LDB2: variants seen among roughly 807,000 people sequenced by gnomAD.
LDB2 encodes the protein LIM domain binding 2.
A neutral mutation model predicts 44.3 loss-of-function variants in LDB2; 12 were observed. That is an observed-to-expected ratio of 0.27 (90% CI 0.17 to 0.44). The LOEUF (loss-of-function observed/expected upper bound fraction) is 0.44, where lower values mean the gene tolerates loss of function less well. Ranked by LOEUF, LDB2 falls within the 20% of genes least tolerant of loss-of-function variation. The pLI, the probability that LDB2 is intolerant of heterozygous loss-of-function variation, is 1.00. For synonymous variants in LDB2, 164 were observed against 174.8 expected (o/e 0.94, Z 0.49); for missense variants, 344 against 473.5 (o/e 0.73, Z 2.54).
Position 16,652,569 on chromosome 4 carries a change from A to C in LDB2, c.236-56694T>G, listed in dbSNP as rs530071529. 3.3e-5 allele frequency among the ~76,000 whole-genome samples: 5 copies of C among 152,306 alleles called. No homozygotes were observed. In the East Asian group the frequency reaches 9.7e-4, roughly 29 times the overall value. On this transcript the variant is annotated intron_variant, in intron 2 of 7. Transcript: ENST00000304523. ...TGGGGTAAAGGCGGGGCTGTCCTGC[A>C]CAGAAACAGCTCTGGAAGGAGATGC...
chr4:16,524,948 C>T (rs968125399), intron 5 of LDB2, among the ~76,000 whole-genome samples: 11 of 152,106 alleles, frequency 7.2e-5, no homozygotes, highest in East Asian at 1.9e-4. Flanking sequence ...TAGGTACTTA[C>T]GGTAAGGTAA....
chr4:16,640,414 T>C (rs1466691771), intron 2 of LDB2, among the ~76,000 whole-genome samples: 1 of 152,142 alleles, frequency 6.6e-6, no homozygotes, highest in African/African-American at 2.4e-5. Flanking sequence ...GCTGGGCTAT[T>C]AGAGAGGCTT....
intron 2 of LDB2, among the ~76,000 whole-genome samples, chr4:16,706,420 C>A (rs1754624886): frequency 6.6e-6 from 1 of 152,182 alleles, no homozygotes; most frequent in Admixed American, 6.5e-5. Context: ...AGGAAGAGAG[C>A]CCTCCTCGGA....
chr4:16,809,752 C>T lies in LDB2; in HGVS notation c.133-50492G>A, dbSNP rs182966806. ...ACAAAACAAACAAACAAAAAAAAAA[C>T]GGAACTACATGGGACTCGCTGATAA... On this transcript the variant is annotated intron_variant, in intron 1 of 7. Coordinates refer to ENST00000304523, the MANE Select transcript of LDB2 (RefSeq NM_001290.5). 3.0e-4 allele frequency among the ~76,000 whole-genome samples: 44 copies of T among 146,494 alleles called. 1 individual carries two copies. Among genetic ancestry groups the T allele is most frequent in the African/African-American group, 7.4e-4 (29 of 39,178 alleles).
chr4:16,512,339 GACACACACAA>G (rs1170763913), intron 5 of LDB2, among the ~76,000 whole-genome samples: 8 of 151,176 alleles, frequency 5.3e-5, no homozygotes, highest in African/African-American at 1.5e-4. Context: ...TACACACACA[GACACACACAA>G]ACACACACAT....
intron 2 of LDB2, among the ~76,000 whole-genome samples, chr4:16,597,469 T>C (rs1721295080): frequency 6.6e-6 from 1 of 152,212 alleles, no homozygotes; most frequent in Non-Finnish European, 1.5e-5. Flanking sequence ...ATAGCTAATA[T>C]TATAAAGAAA....
intron 1 of LDB2, among the ~76,000 whole-genome samples, chr4:16,863,812 C>T (rs1713631084): frequency 6.6e-6 from 1 of 152,166 alleles, no homozygotes; most frequent in Non-Finnish European, 1.5e-5. Flanking sequence ...AGGCACCCGC[C>T]ACCACGCCCG....
intron 2 of LDB2, among the ~76,000 whole-genome samples, chr4:16,654,454 G>A (rs1421493412): frequency 6.6e-6 from 1 of 152,192 alleles, no homozygotes; most frequent in Non-Finnish European, 1.5e-5. Flanking sequence ...TCCTTATGGA[G>A]TTGAGTAATC....
At chr4:16,539,107 A>G (rs901560962) in intron 5 of LDB2, among the ~76,000 whole-genome samples, 34 of 152,172 alleles carry the variant, frequency 2.2e-4, no homozygotes, top group African/African-American at 7.5e-4. Context: ...CACAAGAGAT[A>G]TGTATGTAGG....
intron 2 of LDB2, among the ~76,000 whole-genome samples, chr4:16,673,441 T>A (rs1483404213): frequency 1.3e-5 from 2 of 152,226 alleles, no homozygotes; most frequent in African/African-American, 2.4e-5. Context: ...GGATTTTGTG[T>A]CGCTTTTGAA....
chr4:16,717,740 G>C (rs931547977), intron 2 of LDB2, among the ~76,000 whole-genome samples: 4 of 152,086 alleles, frequency 2.6e-5, no homozygotes, highest in African/African-American at 9.7e-5. Context: ...GTATCGCTTG[G>C]TATTTCGCCC....
chr4:16,891,296 T>A (rs916829224), intron 1 of LDB2, among the ~76,000 whole-genome samples: 1 of 148,320 alleles, frequency 6.7e-6, no homozygotes, highest in Non-Finnish European at 1.5e-5. Context: ...GTGGGAATCT[T>A]AAGTATTCTT....
intron 2 of LDB2, among the ~76,000 whole-genome samples, chr4:16,687,620 A>G (rs549130668): frequency 2.0e-5 from 3 of 152,312 alleles, no homozygotes; most frequent in Admixed American, 6.5e-5. Context: ...ACCAAACACT[A>G]TCAGACCCAA....
At chr4:16,819,478 AAAG>A (rs1385805178) in intron 1 of LDB2, among the ~76,000 whole-genome samples, 148 of 150,796 alleles carry the variant, frequency 9.8e-4, no homozygotes, top group Non-Finnish European at 1.7e-3. Flanking sequence ...AAAAAAAAAA[AAAG>A]AAATTTCTGC....
intron 2 of LDB2, among the ~76,000 whole-genome samples, chr4:16,711,444 G>A (rs1755848363): frequency 6.6e-6 from 1 of 152,066 alleles, no homozygotes; most frequent in East Asian, 1.9e-4. Flanking sequence ...AAGTGAAGAT[G>A]GGAAAAAGTG....
chr4:16,528,453 A>G (rs545437622), intron 5 of LDB2, among the ~76,000 whole-genome samples: 1 of 152,356 alleles, frequency 6.6e-6, no homozygotes, highest in African/African-American at 2.4e-5. Flanking sequence ...ATGGATTACA[A>G]ACATCATAAT....
At chr4:16,744,290 G>A (rs538325228) in intron 2 of LDB2, among the ~76,000 whole-genome samples, 14 of 151,664 alleles carry the variant, frequency 9.2e-5, no homozygotes, top group Middle Eastern at 3.4e-3. Flanking sequence ...CCGAGTAATT[G>A]GGATTACAGG....
Position 16,543,711 on chromosome 4 carries a change from CT to C in LDB2, c.616-31608del, listed in dbSNP as rs1159001325. 2.0e-5 allele frequency among the ~76,000 whole-genome samples: 3 copies of C among 152,318 alleles called. No individual in the cohort carries two copies. In the East Asian group the frequency reaches 5.8e-4, roughly 29 times the overall value. On this transcript the variant is annotated intron_variant, in intron 5 of 7. Transcript: ENST00000304523. ...TTCAGGACACAGGCATGGGCAAGGA[CT>C]TCATGAGTAAAACACCAAAAGCAAT...
intron 2 of LDB2, among the ~76,000 whole-genome samples, chr4:16,675,092 T>C (rs1461644555): frequency 6.6e-6 from 1 of 152,184 alleles, no homozygotes; most frequent in Non-Finnish European, 1.5e-5. Context: ...TTAAAAACTT[T>C]TATTTTGAGA....
Sources: allele counts gnomAD v4.1 joint callset (sites outside exome capture counted in the v4.1 genomes callset), GRCh38; gene constraint gnomAD v4.1.1; transcripts MANE v1.5; gene names NCBI Gene and HGNC (gene_info 2026-07-23, HGNC 2026-07-21).